Variants in ABHD12 observed in about 807,000 individuals in gnomAD.
ABHD12 encodes the protein lysophosphatidylserine lipase ABHD12.
In ABHD12, 43 loss-of-function variants were observed where a neutral mutation model predicts 58.3. The ratio of observed to expected loss-of-function variants is 0.74; its 90% CI spans 0.58 to 0.95. The LOEUF is 0.95. Ranked by LOEUF, ABHD12 falls within the 40% of genes least tolerant of loss-of-function variation. ABHD12 has a pLI of 0.00. For missense variants in ABHD12, 539 were observed against 537.2 expected (o/e 1.00, Z -0.03); for synonymous variants, 219 against 211.2 (o/e 1.04, Z -0.32).
chr20:25,313,626 A>AATAACATAAC (rs1313972205), intron 6 of ABHD12, among the ~76,000 whole-genome samples: 2 of 147,594 alleles, frequency 1.4e-5, no homozygotes, highest in Non-Finnish European at 3.0e-5. Context: ...AATAAAATAA[A>AATAACATAAC]ATAACATTAG....
chr20:25,308,080 G>A lies in ABHD12; in HGVS notation c.788-35C>T, dbSNP rs541965017. 4 of 1,414,174 alleles carry A rather than the reference G, an allele frequency of 2.8e-6. No individual in the cohort carries two copies. The East Asian group carries it at 6.8e-5, about 24-fold the overall frequency. The allele number at this position is 1,414,174 out of a possible 1,614,324, so 87.6% of individuals were successfully genotyped here. On this transcript the variant is annotated intron_variant, in intron 8 of 12. Transcript: ENST00000339157. Reference sequence around the variant, plus strand: ...CAAACAGGGAACTGAGAGGTAGGCAGGAAGCCAGCGACATACATGTGGCCT... The same window carrying A: ...CAAACAGGGAACTGAGAGGTAGGCAAGAAGCCAGCGACATACATGTGGCCT...
intron 1 of ABHD12, among the ~76,000 whole-genome samples, chr20:25,340,384 T>C (rs1320974060): frequency 2.0e-5 from 3 of 152,256 alleles, no homozygotes; most frequent in East Asian, 1.9e-4. Context: ...AACAGAAAGA[T>C]TGACTCTCCT....
chr20:25,331,940 A>C (rs2089283846), intron 2 of ABHD12, among the ~76,000 whole-genome samples: 1 of 152,206 alleles, frequency 6.6e-6, no homozygotes, highest in South Asian at 2.1e-4. Flanking sequence ...GACAGGATCA[A>C]ATTCACATAT....
At chr20:25,315,044 A>C in intron 5 of ABHD12, 74 bp from the exon 6 acceptor site, 1 of 1,457,804 alleles carries the variant, frequency 6.9e-7, no homozygotes, top group Admixed American at 1.7e-5. Context: ...CCGCTTACTA[A>C]ACTCATCCAA....
chr20:25,309,332 G>A (rs550578394), intron 7 of ABHD12, 114 bp downstream of exon 7: 29 of 1,503,662 alleles, frequency 1.9e-5, no homozygotes, highest in South Asian at 5.8e-5. Flanking sequence ...GAGGCTGGTC[G>A]GGACTAATGG....
At chr20:25,378,697 CT>C (rs10617181) in intron 1 of ABHD12, among the ~76,000 whole-genome samples, 12,802 of 139,576 alleles carry the variant, frequency 0.092, 843 homozygotes, top group African/African-American at 0.2. Flanking sequence ...ATAATTTGAA[CT>C]TTTTTTTTTT....
At chr20:25,297,080 C>G (rs564623954), downstream of ABHD12, 22 of 159,708 alleles carry the variant, frequency 1.4e-4, no homozygotes, top group East Asian at 4.0e-3. Flanking sequence ...GCCCCCTGCC[C>G]TCTGTCCTGG....
intron 1 of ABHD12, among the ~76,000 whole-genome samples, chr20:25,358,671 GAGACCTATGC>G (rs2089699993): frequency 6.6e-6 from 1 of 152,158 alleles, no homozygotes; most frequent in Admixed American, 6.5e-5. Context: ...GAGGTGGCAG[GAGACCTATGC>G]AGACCTATGC....
rs537917372 is a variant in ABHD12, at chr20:25,348,161, G to C, written c.192-8810C>G. On this transcript the variant is annotated intron_variant, in intron 1 of 12. Transcript: ENST00000339157. The stretch of plus-strand genomic sequence containing the variant: ...GGAGGCAGAGGTTGCAGTAAGCCGA[G>C]ATGGCGCCACTGCACTCCAGCATGG... 3.4e-4 allele frequency among the ~76,000 whole-genome samples: 51 copies of C among 151,694 alleles called. 2 individuals are homozygous for C. In the South Asian group the frequency reaches 9.6e-3, roughly 28 times the overall value.
Position 25,300,746 on chromosome 20 carries a change from G to A in ABHD12, c.*99C>T. ...GGTGCGAGCTGGGCTCCTGAGCATT[G>A]CAGGTGCCGGCCCCCCGGGGCTTCA... On this transcript the variant is annotated 3_prime_UTR_variant, in exon 13 of 13. Coordinates refer to ENST00000339157, the MANE Select transcript of ABHD12 (RefSeq NM_001042472.3). 6.3e-7 allele frequency: 1 copy of A among 1,599,900 alleles called. No homozygotes were observed. The highest frequency in any genetic ancestry group is 8.5e-7 in the Non-Finnish European group (1 of 1,174,692).
chr20:25,300,470 G>A lies in ABHD12; in HGVS notation c.*375C>T, dbSNP rs2088614714. 4 of 1,228,304 alleles carry A rather than the reference G, an allele frequency of 3.3e-6. No individual in the cohort carries two copies. The East Asian group carries it at 1.4e-4, about 42-fold the overall frequency. The allele number at this position is 1,228,304 out of a possible 1,614,324, so 76.1% of individuals were successfully genotyped here. A position where few individuals can be genotyped will look rare whatever the true frequency, so the allele number is the denominator to read the frequency against. On this transcript the variant is annotated 3_prime_UTR_variant, in exon 13 of 13. Transcript: ENST00000339157. ...GGACCCCACGTTCTCTGTGGGTGGT[G>A]CCAAAAAGCTCAGCATGGTCCCGAG...
At chr20:25,380,727 TC>T (rs1327364599) in intron 1 of ABHD12, among the ~76,000 whole-genome samples, 1 of 152,150 alleles carries the variant, frequency 6.6e-6, no homozygotes, top group Non-Finnish European at 1.5e-5. Context: ...ATTGCCCAGG[TC>T]CTGACTCCTC....
chr20:25,317,846 G>T (rs989303574), intron 4 of ABHD12, among the ~76,000 whole-genome samples: 1 of 152,096 alleles, frequency 6.6e-6, no homozygotes, highest in African/African-American at 2.4e-5. Flanking sequence ...AACCTGGACC[G>T]ACCCCACAGC....
At chr20:25,386,105 AAATAAT>A (rs573746312) in intron 1 of ABHD12, among the ~76,000 whole-genome samples, 2 of 151,458 alleles carry the variant, frequency 1.3e-5, no homozygotes, top group African/African-American at 2.4e-5. Flanking sequence ...CGTCTCAAAA[AAATAAT>A]AATAATAATA....
In ABHD12 at chr20:25,390,639, G is replaced by A. The variant is rs1478859533; in HGVS notation, c.65C>T (p.Ser22Phe). Residue 22 changes from serine to phenylalanine, a missense_variant, in exon 1 of 13, where the codon TCC (serine) becomes TTC (phenylalanine). Transcript: ENST00000339157. ...HERCAAAGSS[S>F]SGSAAAALDA... is the part of the protein sequence containing the mutation. ...CAGCGCCGCGGCGGCCGAGCCGGAG[G>A]AGGACGAGCCCGCGGCGGCGCAGCG... 8 of 1,452,924 alleles carry A rather than the reference G, an allele frequency of 5.5e-6. No individual in the cohort carries two copies. Among genetic ancestry groups the A allele is most frequent in the South Asian group, 1.3e-5 (1 of 76,532 alleles). 90.0% of individuals were successfully genotyped at this position (1,452,924 alleles called of 1,614,324 possible). A position where few individuals can be genotyped will look rare whatever the true frequency, so the allele number is the denominator to read the frequency against.
At chr20:25,351,281 T>TA (rs2089597434) in intron 1 of ABHD12, among the ~76,000 whole-genome samples, 1 of 152,194 alleles carries the variant, frequency 6.6e-6, no homozygotes, top group South Asian at 2.1e-4. Context: ...CCAAGGCACT[T>TA]AACTCAATGC....
intron 4 of ABHD12, among the ~76,000 whole-genome samples, chr20:25,317,313 T>C (rs1029555623): frequency 2.0e-5 from 3 of 152,154 alleles, no homozygotes; most frequent in African/African-American, 7.2e-5. Context: ...CAGTAGGTAA[T>C]GCACACCTAC....
Position 25,300,511 on chromosome 20 carries a change from G to A in ABHD12, c.*334C>T, listed in dbSNP as rs981170911. 1.5e-6 allele frequency: 2 copies of A among 1,313,174 alleles called. No homozygotes were observed. The highest frequency in any genetic ancestry group is 1.6e-5 in the South Asian group (1 of 62,318). The allele number at this position is 1,313,174 out of a possible 1,614,324, so 81.3% of individuals were successfully genotyped here. On this transcript the variant is annotated 3_prime_UTR_variant, in exon 13 of 13. Coordinates refer to ENST00000339157, the MANE Select transcript of ABHD12 (RefSeq NM_001042472.3). ...TGGTCCCGAGCCCCAAGAGTCCCCT[G>A]CCCGGACTCCCCCTGTCCAGCTCAG... is the stretch of plus-strand genomic sequence containing the variant.
chr20:25,388,530 G>A (rs1461089716), intron 1 of ABHD12, among the ~76,000 whole-genome samples: 2 of 152,164 alleles, frequency 1.3e-5, no homozygotes, highest in African/African-American at 2.4e-5. Flanking sequence ...AGGAAGAGAA[G>A]AAAGCTCAAG....
Sources: gnomAD v4.1 joint callset for allele counts (sites outside exome capture counted in the v4.1 genomes callset) on GRCh38, gnomAD v4.1.1 for gene constraint, MANE v1.5 for transcripts, NCBI Gene and HGNC (gene_info 2026-07-23, HGNC 2026-07-21) for gene names.